Variants in FBXO11 observed in about 807,000 individuals in gnomAD.
FBXO11 encodes the protein F-box protein 11, also known as F-box only protein 11.
Under a neutral mutation model 117.0 loss-of-function variants are expected in FBXO11, and 13 were observed. That is an observed-to-expected ratio of 0.11 (90% CI 0.07 to 0.18). FBXO11 has a LOEUF of 0.18. Ranked by LOEUF, FBXO11 falls within the 10% of genes least tolerant of loss-of-function variation. The probability of loss-of-function intolerance (pLI) is 1.00; values close to 1 mark genes in which losing one functional copy is unlikely to be tolerated. For synonymous variants in FBXO11, 490 were observed against 380.5 expected, an observed-to-expected ratio of 1.29 and a Z score of -3.35; for missense variants, 767 against 1,164.4, an observed-to-expected ratio of 0.66 and a Z score of 4.97.
intron 1 of FBXO11, among the ~76,000 whole-genome samples, chr2:47,903,584 G>C (rs1278431322): frequency 1.3e-5 from 2 of 152,250 alleles, no homozygotes; most frequent in South Asian, 4.1e-4. Context: ...AACTAAGTTC[G>C]AAATTACACA....
intron 1 of FBXO11, among the ~76,000 whole-genome samples, chr2:47,859,019 C>T (rs909289640): frequency 7.6e-6 from 1 of 131,976 alleles, no homozygotes; most frequent in African/African-American, 2.9e-5. Context: ...CCAGCCTGGG[C>T]GACTGAGCAA....
chr2:47,899,395 A>G (rs1252007473), intron 1 of FBXO11, among the ~76,000 whole-genome samples: 1 of 152,206 alleles, frequency 6.6e-6, no homozygotes, highest in African/African-American at 2.4e-5. Flanking sequence ...AGCTGATACA[A>G]TCCCTTACTT....
intron 1 of FBXO11, among the ~76,000 whole-genome samples, chr2:47,899,299 G>C (rs905199521): frequency 2.0e-5 from 3 of 149,054 alleles, no homozygotes; most frequent in Admixed American, 6.7e-5. Flanking sequence ...AAAAAGAATT[G>C]GTATAAGCTT....
At chr2:47,900,997 C>T (rs1031045894) in intron 1 of FBXO11, among the ~76,000 whole-genome samples, 4 of 136,818 alleles carry the variant, frequency 2.9e-5, no homozygotes, top group African/African-American at 5.3e-5. Flanking sequence ...AAAATATTGC[C>T]GGTGGGGAGA....
rs749013116 is a variant in FBXO11 at position 47,839,658 on chromosome 2, G to A, written c.344C>T (p.Thr115Ile). Residue 115 changes from threonine (T) to isoleucine (I), a missense_variant, in exon 2 of 23, where the codon ACA becomes ATA. This residue lies in a region of FBXO11 where 355 missense variants were observed against 299.8 expected (regional missense o/e 1.18). Transcript: ENST00000403359. ...TLLPKRTACP[T>I]KNSMEGASTS... The stretch of plus-strand genomic sequence containing the variant: ...TAAAGTTACCTCCATACTGTTCTTT[G>A]TGGGACACGCTGTTCTTTTCGGCAA... The A allele has an allele frequency of 1.2e-6, 2 of 1,614,074 alleles. No individual in the cohort carries two copies. Among genetic ancestry groups the A allele is most frequent in the Non-Finnish European group, 1.7e-6 (2 of 1,180,010 alleles).
chr2:47,858,053 T>C (rs1421904882), intron 1 of FBXO11, among the ~76,000 whole-genome samples: 1 of 152,150 alleles, frequency 6.6e-6, no homozygotes, highest in Non-Finnish European at 1.5e-5. Context: ...AATCATTGCC[T>C]TGGGTCACTA....
intron 1 of FBXO11, among the ~76,000 whole-genome samples, chr2:47,874,596 G>A (rs936950046): frequency 6.6e-6 from 1 of 152,032 alleles, no homozygotes; most frequent in East Asian, 1.9e-4. Flanking sequence ...TTGCAGTGGT[G>A]CAATCTCAGC....
At chr2:47,884,988 GAAT>G (rs1676710609) in intron 1 of FBXO11, among the ~76,000 whole-genome samples, 1 of 152,076 alleles carries the variant, frequency 6.6e-6, no homozygotes, top group Non-Finnish European at 1.5e-5. Context: ...ATTCTGGTAA[GAAT>G]ATAGCAACTT....
At chr2:47,873,041 G>A (rs1572883306) in intron 1 of FBXO11, among the ~76,000 whole-genome samples, 1 of 152,232 alleles carries the variant, frequency 6.6e-6, no homozygotes, top group Non-Finnish European at 1.5e-5. Flanking sequence ...AACTGCTATT[G>A]TAGAGTAATA....
chr2:47,892,902 T>G (rs1302636753), intron 1 of FBXO11, among the ~76,000 whole-genome samples: 1 of 152,106 alleles, frequency 6.6e-6, no homozygotes, highest in Non-Finnish European at 1.5e-5. Context: ...ACATAATCGC[T>G]AGGCTGCAAC....
At chr2:47,899,826 C>G (rs938569018) in intron 1 of FBXO11, among the ~76,000 whole-genome samples, 1 of 150,854 alleles carries the variant, frequency 6.6e-6, no homozygotes, top group African/African-American at 2.4e-5. Flanking sequence ...ATAAGTGGGA[C>G]AAGACAGAAA....
chr2:47,830,386 AC>A (rs1297672285), intron 11 of FBXO11, among the ~76,000 whole-genome samples: 3 of 152,338 alleles, frequency 2.0e-5, no homozygotes, highest in African/African-American at 7.2e-5. Context: ...TTTAAAAAAA[AC>A]AAACAAAAAA....
chr2:47,822,369 C>T (rs574342451), intron 12 of FBXO11, 66 bp from the exon 13 acceptor site: 10 of 960,808 alleles, frequency 1.0e-5, no homozygotes, highest in East Asian at 5.0e-5. Flanking sequence ...TTTTATACAA[C>T]GGTAAGGCCC....
intron 1 of FBXO11, among the ~76,000 whole-genome samples, chr2:47,881,324 A>T (rs1012517669): frequency 6.6e-6 from 1 of 151,942 alleles, no homozygotes; most frequent in African/African-American, 2.4e-5. Flanking sequence ...TTATATAAGA[A>T]TTTTTTTTCA....
Position 47,827,359 on chromosome 2 carries a change from C to T in FBXO11, c.1399-3999G>A, listed in dbSNP as rs867012039. Among the ~76,000 whole-genome samples the T allele has an allele frequency of 6.6e-5, 10 of 152,244 alleles. 1 individual carries two copies. In the South Asian group the frequency reaches 8.3e-4, roughly 13 times the overall value. ...AGAGTGTCTGTCGCCCAGGCTGGAG[C>T]GCAGTGGCGCACTTTCGGCTCACTG... On this transcript the variant is annotated intron_variant, in intron 11 of 22. Transcript: ENST00000403359.
At chr2:47,833,146 T>C in intron 7 of FBXO11, 76 bp from the exon 8 acceptor site, 2 of 928,010 alleles carry the variant, frequency 2.2e-6, no homozygotes, top group Non-Finnish European at 3.4e-6. Context: ...AGGGGGAACT[T>C]ACTAAAAACA....
intron 16 of FBXO11, among the ~76,000 whole-genome samples, chr2:47,815,162 G>A (rs1243380812): frequency 6.6e-6 from 1 of 151,932 alleles, no homozygotes; most frequent in Non-Finnish European, 1.5e-5. Flanking sequence ...TTTTGTCCTG[G>A]CCATAAAAAC....
intron 1 of FBXO11, among the ~76,000 whole-genome samples, chr2:47,874,867 C>CTTT (rs377037169): frequency 0.018 from 2,312 of 128,852 alleles, 37 homozygotes; most frequent in African/African-American, 0.039. Context: ...TGTCTCAGGA[C>CTTT]TTTTTTTTTT....
chr2:47,888,802 T>G (rs1052790882), intron 1 of FBXO11: 4 of 234,700 alleles, frequency 1.7e-5, no homozygotes, highest in Non-Finnish European at 2.8e-5. Flanking sequence ...TCTGCTATAT[T>G]TGGTTCTAGC....
Sources: gnomAD v4.1 joint callset for allele counts (sites outside exome capture counted in the v4.1 genomes callset) on GRCh38, gnomAD v4.1.1 for gene constraint, gnomAD v4.1.1 regional missense constraint, MANE v1.5 for transcripts, NCBI Gene and HGNC (gene_info 2026-07-23, HGNC 2026-07-21) for gene names.